NPAS3: variants seen among roughly 807,000 people sequenced by gnomAD.
The protein encoded by NPAS3 is neuronal PAS domain-containing protein 3.
In NPAS3, 14 loss-of-function variants were observed where a neutral mutation model predicts 73.1. The ratio of observed to expected loss-of-function variants is 0.19; its 90% CI spans 0.13 to 0.30. The LOEUF (loss-of-function observed/expected upper bound fraction) is 0.30, where lower values mean the gene tolerates loss of function less well. NPAS3 is among the 10% of genes least tolerant of loss of function. The pLI is 1.00. For synonymous variants in NPAS3, 620 were observed against 541.5 expected, an observed-to-expected ratio of 1.14 and a Z score of -2.01; for missense variants, 1,096 against 1,250.0, an observed-to-expected ratio of 0.88 and a Z score of 1.86.
chr14:33,604,285 A>C (rs557896882), intron 5 of NPAS3, among the ~76,000 whole-genome samples: 70 of 152,138 alleles, frequency 4.6e-4, no homozygotes, highest in African/African-American at 1.7e-3. Context: ...TCAAGTATTA[A>C]TATGAAGACA....
intron 1 of NPAS3, among the ~76,000 whole-genome samples, chr14:32,980,481 T>C (rs1381308146): frequency 6.6e-6 from 1 of 152,230 alleles, no homozygotes; most frequent in Non-Finnish European, 1.5e-5. Context: ...GTAATGATTG[T>C]TTCATATTAA....
At chr14:33,701,912 TCTG>T (rs2060533285) in intron 6 of NPAS3, among the ~76,000 whole-genome samples, 4 of 152,210 alleles carry the variant, frequency 2.6e-5, no homozygotes, top group Non-Finnish European at 5.9e-5. Flanking sequence ...AGAAATGGTA[TCTG>T]CCCTCAGGGA....
At chr14:33,092,487 G>A (rs752415029) in intron 2 of NPAS3, among the ~76,000 whole-genome samples, 49 of 152,154 alleles carry the variant, frequency 3.2e-4, no homozygotes, top group Non-Finnish European at 6.9e-4. Context: ...ACAAATGGAA[G>A]AACATTCCAT....
rs117938787 is a variant in NPAS3 at position 33,074,848 on chromosome 14, T to A, written c.140+18854T>A. On this transcript the variant is annotated intron_variant, in intron 2 of 11. Transcript: ENST00000356141. ...AGTTACCATATTGAGAAGAGGTGTTTCATAACATTTTTCTGAACTGTTCAT... is the reference window on the plus strand; with the variant it reads ...AGTTACCATATTGAGAAGAGGTGTTACATAACATTTTTCTGAACTGTTCAT... 7.7e-4 allele frequency among the ~76,000 whole-genome samples: 118 copies of A among 152,338 alleles called. 1 individual carries two copies. The East Asian group carries it at 0.017, about 22-fold the overall frequency.
At chr14:32,953,922 T>C (rs2036579692) in intron 1 of NPAS3, among the ~76,000 whole-genome samples, 1 of 152,140 alleles carries the variant, frequency 6.6e-6, no homozygotes, top group Admixed American at 6.5e-5. Flanking sequence ...ACAGCCTTAA[T>C]TAGGCCTTAA....
intron 1 of NPAS3, among the ~76,000 whole-genome samples, chr14:32,961,037 A>G (rs2036889816): frequency 6.6e-6 from 1 of 152,174 alleles, no homozygotes; most frequent in Non-Finnish European, 1.5e-5. Context: ...TTTTGTGACT[A>G]TTTCTATTAC....
intron 6 of NPAS3, among the ~76,000 whole-genome samples, chr14:33,710,684 GACTGGCCCCAGGACATTGTGCT>G (rs1402054427): frequency 2.0e-5 from 3 of 152,164 alleles, no homozygotes; most frequent in African/African-American, 7.2e-5. Flanking sequence ...CCAAGTGAAG[GACTGGCCCCAGGACATTGTGCT>G]ATAGGCTGAG....
At chr14:33,216,142 A>G (rs1409279773) in intron 3 of NPAS3, among the ~76,000 whole-genome samples, 1 of 152,046 alleles carries the variant, frequency 6.6e-6, no homozygotes, top group Non-Finnish European at 1.5e-5. Context: ...GGTGTTGGCC[A>G]TTGGTTTTCT....
intron 4 of NPAS3, among the ~76,000 whole-genome samples, chr14:33,411,847 T>C (rs1342406627): frequency 6.6e-6 from 1 of 152,292 alleles, no homozygotes; most frequent in African/African-American, 2.4e-5. Flanking sequence ...AGATGTCATC[T>C]ACTCCAATGA....
chr14:33,462,517 C>T (rs2050319326), intron 4 of NPAS3, among the ~76,000 whole-genome samples: 1 of 152,170 alleles, frequency 6.6e-6, no homozygotes, highest in African/African-American at 2.4e-5. Flanking sequence ...GGCGACTGTT[C>T]TGTGTCCTGG....
rs115589434 is a variant in NPAS3 at position 33,558,637 on chromosome 14, T to A, written c.469-1484T>A. Among the ~76,000 whole-genome samples, 710 of 151,384 alleles carry A rather than the reference T, an allele frequency of 4.7e-3. 6 individuals carry two copies. The highest frequency in any genetic ancestry group is 0.016 in the African/African-American group (679 of 41,292). Reference sequence around the variant, plus strand: ...CTGTATGCATACATATATATACACATATATATATAAGAATATATATAATAT... The same window carrying A: ...CTGTATGCATACATATATATACACAAATATATATAAGAATATATATAATAT... On this transcript the variant is annotated intron_variant, in intron 4 of 11. Coordinates refer to ENST00000356141, the Ensembl canonical transcript of NPAS3.
intron 3 of NPAS3, among the ~76,000 whole-genome samples, chr14:33,217,574 A>G (rs774094015): frequency 6.6e-6 from 1 of 152,160 alleles, no homozygotes; most frequent in Non-Finnish European, 1.5e-5. Context: ...TTTATTTAAC[A>G]TAACTCAGAA....
intron 2 of NPAS3, among the ~76,000 whole-genome samples, chr14:33,060,610 T>A (rs2041062250): frequency 6.6e-6 from 1 of 152,212 alleles, no homozygotes; most frequent in Non-Finnish European, 1.5e-5. Flanking sequence ...TGGAACCCCA[T>A]CCTTTTCCAA....
chr14:33,791,406 T>G (rs1319116451), intron 9 of NPAS3, among the ~76,000 whole-genome samples: 1 of 152,222 alleles, frequency 6.6e-6, no homozygotes, highest in Non-Finnish European at 1.5e-5. Context: ...AGCTGTATTA[T>G]TATATTCATG....
At chr14:33,704,151 A>C (rs756627446) in intron 6 of NPAS3, among the ~76,000 whole-genome samples, 7 of 152,256 alleles carry the variant, frequency 4.6e-5, no homozygotes, top group Non-Finnish European at 1.0e-4. Context: ...TTGCACATAA[A>C]TACGCAGTGA....
intron 1 of NPAS3, among the ~76,000 whole-genome samples, chr14:33,023,332 G>A (rs934346242): frequency 6.6e-6 from 1 of 152,072 alleles, no homozygotes; most frequent in African/African-American, 2.4e-5. Context: ...CTTACACTTG[G>A]ATTCAATGCT....
At chr14:33,146,766 G>GC (rs1297292446) in intron 2 of NPAS3, among the ~76,000 whole-genome samples, 1 of 152,204 alleles carries the variant, frequency 6.6e-6, no homozygotes, top group Non-Finnish European at 1.5e-5. Context: ...ATGTTGGGAT[G>GC]CATAAATGGA....
intron 2 of NPAS3, among the ~76,000 whole-genome samples, chr14:33,161,935 G>A (rs1032696111): frequency 5.3e-5 from 8 of 152,216 alleles, no homozygotes; most frequent in Non-Finnish European, 1.0e-4. Flanking sequence ...GAAGGCTGAG[G>A]AGCCAGGTCT....
chr14:33,741,144 T>C (rs111934379), intron 7 of NPAS3, among the ~76,000 whole-genome samples: 141 of 152,304 alleles, frequency 9.3e-4, no homozygotes, highest in African/African-American at 3.2e-3. Flanking sequence ...ATGGACTAGA[T>C]GCCACCTGGA....
Sources: allele counts gnomAD v4.1 joint callset (sites outside exome capture counted in the v4.1 genomes callset), GRCh38; gene constraint gnomAD v4.1.1; transcripts MANE v1.5; gene names NCBI Gene and HGNC (gene_info 2026-07-23, HGNC 2026-07-21).